The following UGT1A10 variants were observed in gnomAD, a reference collection of about 807,000 sequenced individuals.
The protein encoded by UGT1A10 is UDP glucuronosyltransferase family 1 member A10, also known as UDP-glucuronosyltransferase 1A10.
UGT1A10 carries 49 observed loss-of-function variants against 45.8 expected under a neutral mutation model. The ratio of observed to expected loss-of-function variants is 1.07; its 90% CI spans 0.85 to 1.36. UGT1A10 has a LOEUF of 1.36. Ranked by LOEUF, UGT1A10 falls within the 40% of genes most tolerant of loss-of-function variation. UGT1A10 has a pLI of 0.00. For missense variants in UGT1A10, 745 were observed against 668.6 expected (o/e 1.11, Z -1.26); for synonymous variants, 284 against 249.7 (o/e 1.14, Z -1.29).
chr2:233,703,901 T>A (rs1235763751), intron 1 of UGT1A10, among the ~76,000 whole-genome samples: 1 of 152,040 alleles, frequency 6.6e-6, no homozygotes, highest in Non-Finnish European at 1.5e-5. Flanking sequence ...TTCTTTTCTT[T>A]TTTTTTTGAG....
intron 1 of UGT1A10, among the ~76,000 whole-genome samples, chr2:233,745,982 A>G (rs1693272661): frequency 2.0e-5 from 3 of 151,698 alleles, no homozygotes; most frequent in South Asian, 2.1e-4. Flanking sequence ...TGGGACCATG[A>G]CAGCTGGGTC....
chr2:233,750,944 C>T (rs1260619822), intron 1 of UGT1A10, among the ~76,000 whole-genome samples: 5 of 151,882 alleles, frequency 3.3e-5, no homozygotes, highest in Non-Finnish European at 7.3e-5. Flanking sequence ...AGCCCCCACA[C>T]AGAGTCTCCA....
chr2:233,680,887 G>A lies in UGT1A10; in HGVS notation c.855+43510G>A, dbSNP rs375107832. Among the ~76,000 whole-genome samples the A allele has an allele frequency of 5.3e-5, 8 of 151,984 alleles. No homozygotes were observed. In the East Asian group the frequency reaches 1.4e-3, roughly 26 times the overall value. The stretch of plus-strand genomic sequence containing the variant: ...GTGCTTGGGCAAGCATAGGGACGGC[G>A]ACTCACCACTGCAGACAATGTATCT... On this transcript the variant is annotated intron_variant, in intron 1 of 4. Transcript: ENST00000344644.
intron 1 of UGT1A10, chr2:233,743,981 G>GC: frequency 1.5e-6 from 2 of 1,297,888 alleles, no homozygotes; most frequent in Non-Finnish European, 2.0e-6. Flanking sequence ...CAGCACCCAG[G>GC]CGCAGGCCCG....
rs373107890 is a variant in UGT1A10 at position 233,743,700 on chromosome 2, C to T, written c.856-23334C>T. On this transcript the variant is annotated intron_variant, in intron 1 of 4. Transcript: ENST00000344644. ...CTGCCGCCTGTGCAGCCGCCCTCCG[C>T]CCCCGCCTCGCCATAGCGGTCATAG... is the stretch of plus-strand genomic sequence containing the variant. 182 of 1,367,322 alleles carry T rather than the reference C, an allele frequency of 1.3e-4. 1 individual carries two copies. The highest frequency in any genetic ancestry group is 1.8e-4 in the Non-Finnish European group (179 of 1,021,848). 84.7% of individuals were successfully genotyped at this position (1,367,322 alleles called of 1,614,324 possible).
At chr2:233,729,213 A>G (rs760379481) in intron 1 of UGT1A10, 11 of 1,613,914 alleles carry the variant, frequency 6.8e-6, no homozygotes, top group Non-Finnish European at 8.5e-6. Context: ...CTGAGAGTGG[A>G]AAGGTGTTGG....
intron 1 of UGT1A10, among the ~76,000 whole-genome samples, chr2:233,661,014 G>A (rs915181044): frequency 6.6e-6 from 1 of 151,800 alleles, no homozygotes; most frequent in Admixed American, 6.6e-5. Context: ...TTTTTCTCAG[G>A]TCATATTAGA....
At chr2:233,760,969 TC>T in intron 1 of UGT1A10, 1 of 1,614,196 alleles carries the variant, frequency 6.2e-7, no homozygotes, top group Admixed American at 1.7e-5. Context: ...CGTGGTTTAT[TC>T]CCCGTATGCA....
intron 1 of UGT1A10, among the ~76,000 whole-genome samples, chr2:233,739,658 C>G (rs1397600161): frequency 6.6e-6 from 1 of 152,228 alleles, no homozygotes; most frequent in Non-Finnish European, 1.5e-5. Context: ...TCTGTACCCC[C>G]ATTGTGTCTT....
rs41264157 is a variant in UGT1A10 at position 233,755,111 on chromosome 2, G to C, written c.856-11923G>C. ...GTTTCTACGCGTCCGACAACACCTCGTAGGCCTCAGCCACCTGCTTGAATC... is the reference window on the plus strand; with the variant it reads ...GTTTCTACGCGTCCGACAACACCTCCTAGGCCTCAGCCACCTGCTTGAATC... On this transcript the variant is annotated intron_variant, in intron 1 of 4. Transcript: ENST00000344644. 5.5e-4 allele frequency: 736 copies of C among 1,331,768 alleles called. 3 individuals are homozygous for C. The African/African-American group carries it at 7.2e-3, about 13-fold the overall frequency. The allele number at this position is 1,331,768 out of a possible 1,614,324, so 82.5% of individuals were successfully genotyped here.
At chr2:233,758,423 G>A (rs1305067521) in intron 1 of UGT1A10, among the ~76,000 whole-genome samples, 1 of 152,182 alleles carries the variant, frequency 6.6e-6, no homozygotes, top group Non-Finnish European at 1.5e-5. Flanking sequence ...ATCTGCAAAT[G>A]AACTCACACA....
At chr2:233,743,908 G>A (rs1211765828) in intron 1 of UGT1A10, 37 of 1,366,084 alleles carry the variant, frequency 2.7e-5, no homozygotes, top group Non-Finnish European at 3.4e-5. Flanking sequence ...CCTCGTAGTA[G>A]TCCACCATGC....
chr2:233,729,180 T>C (rs373402763), intron 1 of UGT1A10: 150 of 1,613,780 alleles, frequency 9.3e-5, no homozygotes, highest in Middle Eastern at 1.7e-4. Flanking sequence ...GACTGCTGCT[T>C]CTCCTCAGTG....
rs201842465 is a variant in UGT1A10 at position 233,636,664 on chromosome 2, C to T, written c.142C>T (p.Leu48Phe). The T allele has an allele frequency of 2.9e-5, 47 of 1,613,922 alleles. No individual in the cohort carries two copies. Among genetic ancestry groups the T allele is most frequent in the Non-Finnish European group, 3.6e-5 (43 of 1,179,980 alleles). ...WFTMQSVVEK[L>F]ILRGHEVVVV... ...CACCATGCAGTCGGTGGTGGAGAAA[C>T]TTATCCTCAGGGGGCATGAGGTGGT... Residue 48 changes from leucine (L) to phenylalanine (F), a missense_variant, in exon 1 of 5, where the codon CTT becomes TTT. Coordinates refer to ENST00000344644, the MANE Select transcript of UGT1A10 (RefSeq NM_019075.4).
intron 1 of UGT1A10, among the ~76,000 whole-genome samples, chr2:233,671,052 G>A (rs1403546687): frequency 6.6e-6 from 1 of 152,112 alleles, no homozygotes. Flanking sequence ...GCATAGCATG[G>A]GTACTGTGAA....
chr2:233,704,330 C>G, intron 1 of UGT1A10, among the ~76,000 whole-genome samples: 1 of 143,058 alleles, frequency 7.0e-6, no homozygotes, highest in East Asian at 2.0e-4. Context: ...TTTCTTTCCA[C>G]TATTTAAAAA....
At chr2:233,750,427 C>A (rs900891099) in intron 1 of UGT1A10, among the ~76,000 whole-genome samples, 6 of 151,902 alleles carry the variant, frequency 3.9e-5, no homozygotes, top group African/African-American at 1.5e-4. Flanking sequence ...AAGAAAAACC[C>A]ATTTTATGGG....
intron 1 of UGT1A10, chr2:233,729,619 C>A: frequency 6.2e-7 from 1 of 1,613,978 alleles, no homozygotes; most frequent in Non-Finnish European, 8.5e-7. Context: ...GGCTAAGTAC[C>A]TGTCGATTCC....
At position 233,663,454 on chromosome 2, in the gene UGT1A10, A is replaced by T. The variant is rs1387386194; in HGVS notation, c.855+26077A>T. On this transcript the variant is annotated intron_variant, in intron 1 of 4. Transcript: ENST00000344644. ...TCAGTTCCTGGGTGGGGGCCACAAG[A>T]GCAGATGAGCCAGTTTATTGATCTG... is the stretch of plus-strand genomic sequence containing the variant. Among the ~76,000 whole-genome samples the T allele has an allele frequency of 1.3e-5, 2 of 152,046 alleles. 1 individual carries two copies. The highest frequency in any genetic ancestry group is 2.9e-5 in the Non-Finnish European group (2 of 68,004).
Sources: gnomAD v4.1 joint callset for allele counts (sites outside exome capture counted in the v4.1 genomes callset) on GRCh38, gnomAD v4.1.1 for gene constraint, MANE v1.5 for transcripts, NCBI Gene and HGNC (gene_info 2026-07-23, HGNC 2026-07-21) for gene names.